DGKD: variants seen among roughly 807,000 people sequenced by gnomAD.
DGKD encodes diacylglycerol kinase delta.
Under a neutral mutation model 154.4 loss-of-function variants are expected in DGKD, and 68 were observed. That is an observed-to-expected ratio of 0.44 (90% CI 0.36 to 0.54). The LOEUF (loss-of-function observed/expected upper bound fraction) is 0.54. DGKD is among the 20% of genes least tolerant of loss of function. DGKD has a pLI of 0.00. For missense variants in DGKD, 1,343 were observed against 1,593.6 expected (o/e 0.84, Z 2.68); for synonymous variants, 693 against 638.0 (o/e 1.09, Z -1.30).
In DGKD at chr2:233,449,999, G is replaced by A. The variant is rs748845678; in HGVS notation, c.1906G>A (p.Ala636Thr). 4.4e-6 allele frequency: 7 copies of A among 1,607,722 alleles called. No individual in the cohort carries two copies. The highest frequency in any genetic ancestry group is 5.9e-6 in the Non-Finnish European group (7 of 1,176,796). The change falls in exon 16 of 30, where the codon GCC becomes ACC. Residue 636 changes from alanine to threonine, a missense_variant. Physicochemically the swap from Ala to Thr is moderately conservative, Grantham distance 58. Transcript: ENST00000264057. The surrounding 1 kb of genome is among the most constrained non-coding windows in gnomAD (Gnocchi z 5.3). ...TTGCACAGCTGTCGATGAGCAGAAT[G>A]CCCAGACCCAGGAGCAGGAGGGCTT... ...HTEKAVDEQN[A>T]QTQEQEGFVL... is the part of the protein sequence containing the mutation.
intron 18 of DGKD, among the ~76,000 whole-genome samples, chr2:233,453,220 G>A (rs905515776): frequency 1.3e-5 from 2 of 152,118 alleles, no homozygotes; most frequent in African/African-American, 4.8e-5. Flanking sequence ...TTCCTGCTGT[G>A]GTGTGTGCCT....
At chr2:233,404,060 A>C (rs545107811) in intron 3 of DGKD, among the ~76,000 whole-genome samples, 1 of 151,758 alleles carries the variant, frequency 6.6e-6, no homozygotes, top group African/African-American at 2.4e-5. Context: ...TACATTTTAC[A>C]TGTGTTATAT....
chr2:233,429,097 C>T (rs2062418253), intron 3 of DGKD: 2 of 984,644 alleles, frequency 2.0e-6, no homozygotes, highest in East Asian at 1.1e-4. Flanking sequence ...TTCTAGTACA[C>T]CCTCTCCTTC....
chr2:233,380,796 T>C (rs1281755010), intron 1 of DGKD, among the ~76,000 whole-genome samples: 1 of 151,946 alleles, frequency 6.6e-6, no homozygotes, highest in East Asian at 1.9e-4. Context: ...CTCCTGGGGG[T>C]TTGGGCATAC....
Position 233,469,505 on chromosome 2 carries a change from GC to G in DGKD, c.*47del, listed in dbSNP as rs1559191979. 20 of 1,525,898 alleles carry G rather than the reference GC, an allele frequency of 1.3e-5. No individual in the cohort carries two copies. The highest frequency in any genetic ancestry group is 3.9e-5 in the Admixed American group (2 of 51,580). The allele number at this position is 1,525,898 out of a possible 1,614,324, so 94.5% of individuals were successfully genotyped here. ...TGGCCTCCACATCCCCGCCGCCGAGGCCTAGCCTCCGCCCTCTCAGCCTGTG... is the reference window on the plus strand; with the variant it reads ...TGGCCTCCACATCCCCGCCGCCGAGGCTAGCCTCCGCCCTCTCAGCCTGTG... On this transcript the variant is annotated 3_prime_UTR_variant, in exon 30 of 30. Coordinates refer to ENST00000264057, the MANE Select transcript of DGKD (RefSeq NM_152879.3).
intron 1 of DGKD, among the ~76,000 whole-genome samples, chr2:233,381,460 A>G (rs1025225255): frequency 6.6e-6 from 1 of 152,246 alleles, no homozygotes; most frequent in Non-Finnish European, 1.5e-5. Context: ...GTCATTCATT[A>G]GCCAAGTGGC....
Position 233,464,089 on chromosome 2 carries a change from C to T in DGKD, c.3187-75C>T, listed in dbSNP as rs966164420. The T allele has an allele frequency of 3.1e-6, 5 of 1,592,618 alleles. No homozygotes were observed. In the African/African-American group the frequency reaches 4.0e-5, roughly 13 times the overall value. On this transcript the variant is annotated intron_variant, in intron 26 of 29. Coordinates refer to ENST00000264057, the MANE Select transcript of DGKD (RefSeq NM_152879.3). ...AGCAGAGCAGAGCCCTGGAGCGGAC[C>T]TCACCCCCCTGGGCCTCGCGCTGAT...
rs1342627277 is a variant in DGKD at position 233,441,341 on chromosome 2, C to T, written c.1086-546C>T. Among the ~76,000 whole-genome samples, 19 of 152,190 alleles carry T rather than the reference C, an allele frequency of 1.2e-4. No individual in the cohort carries two copies. The highest frequency in any genetic ancestry group is 1.2e-3 in the Admixed American group (19 of 15,278). Reference sequence around the variant, plus strand: ...TGGGGACACGCAGCCCGCAGCAGGTCAGGCAGCCTGGGGCTCCAGGGTGAC... The same window carrying T: ...TGGGGACACGCAGCCCGCAGCAGGTTAGGCAGCCTGGGGCTCCAGGGTGAC... On this transcript the variant is annotated intron_variant, in intron 9 of 29. Transcript: ENST00000264057. This position sits in a 1 kb window ranked among gnomAD's most constrained non-coding sequence, Gnocchi z 5.6.
At chr2:233,469,133 T>C (rs540131639) in intron 29 of DGKD, among the ~76,000 whole-genome samples, 1 of 152,350 alleles carries the variant, frequency 6.6e-6, no homozygotes, top group South Asian at 2.1e-4. Context: ...CTGTGTTTTG[T>C]CTTTGTCTTG....
At chr2:233,423,591 G>C (rs571836949) in intron 3 of DGKD, among the ~76,000 whole-genome samples, 1 of 152,258 alleles carries the variant, frequency 6.6e-6, no homozygotes, top group African/African-American at 2.4e-5. Flanking sequence ...TGGTATAGGA[G>C]ACATCCCGGC....
At chr2:233,444,049 C>G (rs1411193479) in intron 10 of DGKD, among the ~76,000 whole-genome samples, 1 of 152,110 alleles carries the variant, frequency 6.6e-6, no homozygotes, top group Non-Finnish European at 1.5e-5. Flanking sequence ...GAACGCTCAG[C>G]GACTTGCAGG....
rs560137138 is a variant in DGKD, at chr2:233,395,497, GT to G, written c.348+5015del. 4.9e-3 allele frequency among the ~76,000 whole-genome samples: 747 copies of G among 151,366 alleles called. 10 individuals are homozygous for G. Among genetic ancestry groups the G allele is most frequent in the African/African-American group, 0.018 (724 of 41,212 alleles). On this transcript the variant is annotated intron_variant, in intron 3 of 29. Coordinates refer to ENST00000264057, the MANE Select transcript of DGKD (RefSeq NM_152879.3). ...GCTTTCTTATTTTAATGGTCTCTTG[GT>G]ACCTCTCTTCTACTTCCCTTCTGTG...
Position 233,457,187 on chromosome 2 carries a change from C to CTCTTT in DGKD, c.2473-27_2473-23dup, listed in dbSNP as rs750396313. ...GAAGGAGGGGCTGACTCATACCTTT[C>CTCTTT]TCTTTTCTTTTGTTCTGTGTCTCTG... On this transcript the variant is annotated intron_variant, in intron 20 of 29. Coordinates refer to ENST00000264057, the MANE Select transcript of DGKD (RefSeq NM_152879.3). This position sits in a 1 kb window ranked among gnomAD's most constrained non-coding sequence, Gnocchi z 5.5. 9 of 1,481,436 alleles carry CTCTTT rather than the reference C, an allele frequency of 6.1e-6. No homozygotes were observed. The Admixed American group carries it at 1.3e-4, about 22-fold the overall frequency. 91.8% of individuals were successfully genotyped at this position (1,481,436 alleles called of 1,614,324 possible).
intron 2 of DGKD, among the ~76,000 whole-genome samples, chr2:233,389,574 A>T (rs777244497): frequency 6.3e-4 from 38 of 59,974 alleles, no homozygotes; most frequent in South Asian, 1.1e-3. Context: ...TCCCTCAATT[A>T]AAAAAAAAAA....
At chr2:233,367,843 T>C (rs1256008725) in intron 1 of DGKD, among the ~76,000 whole-genome samples, 2 of 101,906 alleles carry the variant, frequency 2.0e-5, no homozygotes, top group Non-Finnish European at 3.7e-5. Context: ...TCTTCCTCTT[T>C]TTTTTTTCTT....
chr2:233,363,722 T>A (rs907247919), intron 1 of DGKD, among the ~76,000 whole-genome samples: 4 of 152,234 alleles, frequency 2.6e-5, no homozygotes, highest in Non-Finnish European at 5.9e-5. Context: ...TTTTATGACA[T>A]ATTTTTACTG....
intron 3 of DGKD, among the ~76,000 whole-genome samples, chr2:233,394,989 G>A (rs749073235): frequency 7.2e-5 from 11 of 151,844 alleles, no homozygotes; most frequent in Non-Finnish European, 7.4e-5. Context: ...GGCATGAGCC[G>A]ATGTGCCTTG....
chr2:233,427,631 T>C (rs78084238), intron 3 of DGKD, among the ~76,000 whole-genome samples: 170 of 152,386 alleles, frequency 1.1e-3, no homozygotes, highest in African/African-American at 3.8e-3. Flanking sequence ...CGTAAGCCAC[T>C]GCGCCCAGCC....
chr2:233,456,525 C>CT (rs2063466674), intron 19 of DGKD, among the ~76,000 whole-genome samples: 1 of 152,150 alleles, frequency 6.6e-6, no homozygotes, highest in African/African-American at 2.4e-5. Flanking sequence ...TGAGGAGTGT[C>CT]TTCTCCTTGG....
Sources: allele counts gnomAD v4.1 joint callset (sites outside exome capture counted in the v4.1 genomes callset), GRCh38; gene constraint gnomAD v4.1.1; non-coding constraint Gnocchi (gnomAD v3.1); transcripts MANE v1.5; gene names NCBI Gene and HGNC (gene_info 2026-07-23, HGNC 2026-07-21).